The following GRIK2 variants were observed in gnomAD, a reference collection of about 807,000 sequenced individuals.
GRIK2 encodes the protein glutamate receptor ionotropic, kainate 2.
GRIK2 carries 32 observed loss-of-function variants against 100.3 expected under a neutral mutation model. That is an observed-to-expected ratio of 0.32 (90% CI 0.24 to 0.43). The LOEUF (loss-of-function observed/expected upper bound fraction) is 0.43, where lower values mean the gene tolerates loss of function less well. Among genes scored for constraint, GRIK2 ranks in the 20% least tolerant of loss-of-function variants. The pLI is 1.00. For missense variants in GRIK2, 843 were observed against 1,114.9 expected, an observed-to-expected ratio of 0.76 and a Z score of 3.47; for synonymous variants, 417 against 389.4, an observed-to-expected ratio of 1.07 and a Z score of -0.83.
chr6:101,822,889 C>T (rs918763259), intron 10 of GRIK2, among the ~76,000 whole-genome samples: 2 of 151,964 alleles, frequency 1.3e-5, no homozygotes, highest in Non-Finnish European at 2.9e-5. Context: ...AATGAAAATT[C>T]TAGTGGTCAA....
chr6:101,404,009 T>C (rs191852764), intron 2 of GRIK2, among the ~76,000 whole-genome samples: 2 of 152,230 alleles, frequency 1.3e-5, no homozygotes, highest in African/African-American at 4.8e-5. Flanking sequence ...AGAAAATGAC[T>C]TTGAAAAATG....
At chr6:101,492,822 G>A (rs1773206938) in intron 2 of GRIK2, among the ~76,000 whole-genome samples, 2 of 151,900 alleles carry the variant, frequency 1.3e-5, no homozygotes, top group Admixed American at 1.3e-4. Context: ...TCTGGAATCA[G>A]ACCTTCGCAG....
intron 2 of GRIK2, among the ~76,000 whole-genome samples, chr6:101,514,889 T>C (rs1774504793): frequency 6.6e-6 from 1 of 152,088 alleles, no homozygotes; most frequent in Admixed American, 6.6e-5. Context: ...GAACAGAGGA[T>C]GTTTTCTTTT....
At chr6:101,919,692 A>G (rs1040576391) in intron 12 of GRIK2, among the ~76,000 whole-genome samples, 8 of 151,828 alleles carry the variant, frequency 5.3e-5, no homozygotes, top group Non-Finnish European at 1.2e-4. Flanking sequence ...CAGAGCCATG[A>G]CAGATTATCT....
rs548795371 is a variant in GRIK2 at position 102,045,435 on chromosome 6, TAGTG to T, written c.2311+9872_2311+9875del. ...AGGTGTACATAGAAAAGGAAAAAGATAGTGAGAGCATCTCAAATCCATTTTGTTC... is the reference window on the plus strand; with the variant it reads ...AGGTGTACATAGAAAAGGAAAAAGATAGAGCATCTCAAATCCATTTTGTTC... On this transcript the variant is annotated intron_variant, in intron 15 of 16. Transcript: ENST00000369134. Among the ~76,000 whole-genome samples the T allele has an allele frequency of 1.4e-3, 214 of 152,194 alleles. 2 individuals are homozygous for T. Among genetic ancestry groups the T allele is most frequent in the African/African-American group, 4.6e-3 (192 of 41,554 alleles).
chr6:101,479,106 A>G (rs186731346), intron 2 of GRIK2, among the ~76,000 whole-genome samples: 3 of 152,156 alleles, frequency 2.0e-5, no homozygotes, highest in Non-Finnish European at 1.5e-5. Context: ...GGTTTTAAAA[A>G]CTTGGTTTTA....
intron 4 of GRIK2, among the ~76,000 whole-genome samples, chr6:101,635,228 AATT>A (rs1780947688): frequency 6.6e-6 from 1 of 152,126 alleles, no homozygotes; most frequent in African/African-American, 2.4e-5. Context: ...AGTTAAACTT[AATT>A]ATTTGGATAT....
rs145905117 is a variant in GRIK2, at chr6:101,950,442, G to A, written c.2085+21810G>A. ...CTTTGTAGTCCAGTTATCAATCTCA[G>A]GATCCAAAATTGTTGTTTTGTGTTT... On this transcript the variant is annotated intron_variant, in intron 14 of 16. Transcript: ENST00000369134. 4.8e-4 allele frequency among the ~76,000 whole-genome samples: 73 copies of A among 152,218 alleles called. 1 individual carries two copies. The highest frequency in any genetic ancestry group is 1.7e-3 in the African/African-American group (69 of 41,528).
intron 12 of GRIK2, among the ~76,000 whole-genome samples, chr6:101,917,296 T>A (rs1424421793): frequency 2.6e-5 from 4 of 151,738 alleles, no homozygotes; most frequent in African/African-American, 9.7e-5. Flanking sequence ...TTCCACGTTC[T>A]GCTTCTCAAG....
chr6:101,963,487 TTC>T (rs1282378122), intron 14 of GRIK2, among the ~76,000 whole-genome samples: 3 of 143,076 alleles, frequency 2.1e-5, no homozygotes, highest in East Asian at 4.0e-4. Flanking sequence ...TTTCTTTTTT[TTC>T]TCTTTTTCTT....
chr6:101,750,627 A>G (rs566792329), intron 7 of GRIK2, among the ~76,000 whole-genome samples: 8 of 152,234 alleles, frequency 5.3e-5, no homozygotes, highest in Non-Finnish European at 8.8e-5. Flanking sequence ...TCTCAATGCT[A>G]TAGCAAGAAA....
At chr6:101,466,010 A>T (rs1771628061) in intron 2 of GRIK2, among the ~76,000 whole-genome samples, 1 of 152,118 alleles carries the variant, frequency 6.6e-6, no homozygotes, top group Admixed American at 6.5e-5. Flanking sequence ...TCAATCAAAG[A>T]CAGTTTTATT....
Position 101,488,507 on chromosome 6 carries a change from GATC to G in GRIK2, c.115+89120_115+89122del, listed in dbSNP as rs1480137356. Reference sequence around the variant, plus strand: ...AATTTTGTGTGAGGTTTATCAGAGAGATCATCAAGAGAATTATTTTCACTTTTG... The same window carrying G: ...AATTTTGTGTGAGGTTTATCAGAGAGATCAAGAGAATTATTTTCACTTTTG... On this transcript the variant is annotated intron_variant, in intron 2 of 16. Transcript: ENST00000369134. Among the ~76,000 whole-genome samples, 3 of 146,772 alleles carry G rather than the reference GATC, an allele frequency of 2.0e-5. 1 individual carries two copies. The South Asian group carries it at 6.4e-4, about 31-fold the overall frequency.
chr6:101,684,124 A>G (rs886206009), intron 6 of GRIK2, among the ~76,000 whole-genome samples: 4 of 152,202 alleles, frequency 2.6e-5, no homozygotes, highest in African/African-American at 9.6e-5. Context: ...TGGCTCTGGC[A>G]TATCTCTATA....
chr6:101,672,005 G>T (rs756748085), intron 4 of GRIK2, among the ~76,000 whole-genome samples: 5 of 152,220 alleles, frequency 3.3e-5, no homozygotes, highest in Non-Finnish European at 5.9e-5. Flanking sequence ...GGAAATTAAG[G>T]TGTCTCATGG....
chr6:101,971,386 G>A lies in GRIK2; in HGVS notation c.2085+42754G>A, dbSNP rs1006113205. Reference sequence around the variant, plus strand: ...ACCGGTCTAACATCTGTAAACCAAGGCAGTATTATGTTTCCATATACTTAA... The same window carrying A: ...ACCGGTCTAACATCTGTAAACCAAGACAGTATTATGTTTCCATATACTTAA... On this transcript the variant is annotated intron_variant, in intron 14 of 16. Transcript: ENST00000369134. Among the ~76,000 whole-genome samples the A allele has an allele frequency of 8.6e-5, 13 of 151,828 alleles. 1 individual carries two copies. The highest frequency in any genetic ancestry group is 1.5e-4 in the Non-Finnish European group (10 of 67,904).
chr6:101,904,477 T>A (rs1475918), intron 12 of GRIK2, among the ~76,000 whole-genome samples: 129,505 of 151,418 alleles, frequency 0.86, 55,561 homozygotes, highest in East Asian at 0.94. Flanking sequence ...AAAATTAAAG[T>A]CATTTAATTT....
At chr6:101,678,850 T>C (rs1231373391) in intron 5 of GRIK2, among the ~76,000 whole-genome samples, 2 of 152,214 alleles carry the variant, frequency 1.3e-5, no homozygotes, top group African/African-American at 4.8e-5. Context: ...ATTTATTTAA[T>C]TTATTTATTT....
At chr6:101,860,036 AT>A (rs1784647607) in intron 11 of GRIK2, among the ~76,000 whole-genome samples, 1 of 152,094 alleles carries the variant, frequency 6.6e-6, no homozygotes, top group Admixed American at 6.6e-5. Context: ...TATTTTAGAA[AT>A]AACATGTTTG....
Sources: gnomAD v4.1 joint callset for allele counts (sites outside exome capture counted in the v4.1 genomes callset) on GRCh38, gnomAD v4.1.1 for gene constraint, MANE v1.5 for transcripts, NCBI Gene and HGNC (gene_info 2026-07-23, HGNC 2026-07-21) for gene names.